CD96: variants seen among roughly 807,000 people sequenced by gnomAD.
CD96 encodes CD96 molecule.
CD96 carries 70 observed loss-of-function variants against 71.3 expected under a neutral mutation model. The ratio of observed to expected loss-of-function variants is 0.98; its 90% CI spans 0.81 to 1.20. CD96 has a LOEUF of 1.20. Ranked by LOEUF, CD96 falls within the 50% of genes most tolerant of loss-of-function variation. The pLI is 0.00. For synonymous variants in CD96, 248 were observed against 233.0 expected (o/e 1.06, Z -0.59); for missense variants, 742 against 677.5 (o/e 1.10, Z -1.06).
chr3:111,623,747 A>G lies in CD96; in HGVS notation c.1181-7A>G. Reference sequence around the variant, plus strand: ...ATAATAATTTGGGAATTTTATTTTCAAAATAGGATATCCAGCTACATCTTC... The same window carrying G: ...ATAATAATTTGGGAATTTTATTTTCGAAATAGGATATCCAGCTACATCTTC... On this transcript the variant is annotated splice_polypyrimidine_tract_variant and splice_region_variant and intron_variant, in intron 8 of 13. Transcript: ENST00000352690. 1.3e-6 allele frequency: 2 copies of G among 1,592,834 alleles called. No homozygotes were observed. The highest frequency in any genetic ancestry group is 8.6e-7 in the Non-Finnish European group (1 of 1,160,694).
At chr3:111,647,486 G>C in intron 12 of CD96, 57 bp from the exon 13 acceptor site, 3 of 1,557,212 alleles carry the variant, frequency 1.9e-6, no homozygotes, top group Non-Finnish European at 2.7e-6. Context: ...GTTTAATCCT[G>C]TTTTCCAAAT....
intron 5 of CD96, chr3:111,593,070 A>G (rs914499316): frequency 2.0e-5 from 3 of 152,944 alleles, no homozygotes; most frequent in South Asian, 4.1e-4. Context: ...AAACTCCACC[A>G]GTACATGTGC....
chr3:111,606,619 G>GAA, intron 7 of CD96, 81 bp from the exon 8 acceptor site: 1 of 784,440 alleles, frequency 1.3e-6, no homozygotes, highest in South Asian at 1.4e-5. Flanking sequence ...ATAAAGGAAA[G>GAA]TGTATTTAAG....
rs535704136 is a variant in CD96, at chr3:111,661,929, GC to G, written c.*53-3597del. Among the ~76,000 whole-genome samples the G allele has an allele frequency of 2.1e-3, 324 of 152,352 alleles. 6 individuals carry two copies. Among genetic ancestry groups the G allele is most frequent in the East Asian group, 9.6e-4 (5 of 5,188 alleles). ...TGGGGACTATGTATGGGGGTTCCAAGCTCACATTTCCCCTTTGCCTTACCCT... is the reference window on the plus strand; with the variant it reads ...TGGGGACTATGTATGGGGGTTCCAAGTCACATTTCCCCTTTGCCTTACCCT... On this transcript the variant is annotated intron_variant and NMD_transcript_variant, in intron 14 of 14. Transcript: ENST00000494798.
intron 6 of CD96, 70 bp downstream of exon 6, chr3:111,598,280 C>A: frequency 1.3e-6 from 1 of 781,068 alleles, no homozygotes; most frequent in South Asian, 1.4e-5. Flanking sequence ...TAGAAATTGT[C>A]ATTGCCCAAG....
intron 12 of CD96, 140 bp downstream of exon 12, chr3:111,638,308 AT>A: frequency 1.4e-6 from 1 of 715,032 alleles, no homozygotes; most frequent in Non-Finnish European, 2.6e-6. Context: ...ATTATAATCT[AT>A]TAGTGATCGA....
chr3:111,586,924 A>G (rs1458637474), intron 5 of CD96, among the ~76,000 whole-genome samples: 1 of 152,106 alleles, frequency 6.6e-6, no homozygotes, highest in Non-Finnish European at 1.5e-5. Context: ...AGTCCCCCAA[A>G]GTCTTAACTC....
At chr3:111,572,969 T>G (rs576280082) in intron 3 of CD96, among the ~76,000 whole-genome samples, 1 of 152,210 alleles carries the variant, frequency 6.6e-6, no homozygotes, top group African/African-American at 2.4e-5. Flanking sequence ...CAGGTGCAAA[T>G]GGACAGTGTA....
intron 1 of CD96, among the ~76,000 whole-genome samples, chr3:111,543,634 T>G (rs1364377885): frequency 6.6e-6 from 1 of 152,194 alleles, no homozygotes; most frequent in Non-Finnish European, 1.5e-5. Flanking sequence ...TAAGTATAGG[T>G]TACTTAGAAG....
At chr3:111,545,762 G>C (rs982078835) in intron 2 of CD96, among the ~76,000 whole-genome samples, 7 of 152,144 alleles carry the variant, frequency 4.6e-5, no homozygotes, top group African/African-American at 1.7e-4. Context: ...AGTAATCCCA[G>C]AGAGAGAAAA....
At chr3:111,627,999 C>T (rs1938860641) in intron 10 of CD96, among the ~76,000 whole-genome samples, 1 of 151,876 alleles carries the variant, frequency 6.6e-6, no homozygotes, top group Admixed American at 6.6e-5. Context: ...CAAAGGTCAG[C>T]AAACTCAAAG....
rs757053235 is a variant in CD96, at chr3:111,650,040, G to A, written c.*234G>A. 4.0e-5 allele frequency: 21 copies of A among 524,718 alleles called. No individual in the cohort carries two copies. The highest frequency in any genetic ancestry group is 7.3e-5 in the Non-Finnish European group (21 of 288,152). 32.5% of individuals were successfully genotyped at this position (524,718 alleles called of 1,614,324 possible). A position where few individuals can be genotyped will look rare whatever the true frequency, so the allele number is the denominator to read the frequency against. On this transcript the variant is annotated 3_prime_UTR_variant, in exon 14 of 14. Transcript: ENST00000352690. ...TTCACACTCAATGCAATTCGTAGTG[G>A]TTTTCTTGCTTATGTAAGAAGTACA...
intron 7 of CD96, among the ~76,000 whole-genome samples, chr3:111,604,105 A>G (rs1375705252): frequency 6.6e-6 from 1 of 152,334 alleles, no homozygotes; most frequent in East Asian, 1.9e-4. Context: ...AGGACCTAGC[A>G]AGCCCTGGGA....
chr3:111,559,087 T>C lies in CD96; in HGVS notation c.419-8436T>C, dbSNP rs1935241307. ...ATCATTTTTTATTGTGTCTATTTGA[T>C]TCTTCTCTCTTTTTTTCTTTATTAG... On this transcript the variant is annotated intron_variant, in intron 2 of 13. Coordinates refer to ENST00000352690, the MANE Select transcript of CD96 (RefSeq NM_005816.5). 2.0e-5 allele frequency among the ~76,000 whole-genome samples: 3 copies of C among 151,778 alleles called. No homozygotes were observed. In the South Asian group the frequency reaches 6.3e-4, roughly 32 times the overall value.
At chr3:111,572,384 A>G (rs971614407) in intron 3 of CD96, among the ~76,000 whole-genome samples, 40 of 152,218 alleles carry the variant, frequency 2.6e-4, no homozygotes, top group African/African-American at 7.0e-4. Flanking sequence ...GGTAAAGTCA[A>G]AAACAAACTG....
At chr3:111,660,186 A>T (rs1289666756) in intron 14 of CD96, among the ~76,000 whole-genome samples, 1 of 152,232 alleles carries the variant, frequency 6.6e-6, no homozygotes, top group African/African-American at 2.4e-5. Context: ...TCACAGAATC[A>T]GTGTATAAAT....
At chr3:111,594,264 C>T in intron 5 of CD96, 2 of 1,499,840 alleles carry the variant, frequency 1.3e-6, no homozygotes, top group Non-Finnish European at 1.8e-6. Context: ...TTATTTGAAC[C>T]ACAAGATTAA....
chr3:111,647,210 T>G (rs1470143939), intron 12 of CD96, among the ~76,000 whole-genome samples: 1 of 151,430 alleles, frequency 6.6e-6, no homozygotes, highest in Non-Finnish European at 1.5e-5. Context: ...TTTGCACATG[T>G]ACCCCTGAAC....
chr3:111,583,733 T>C (rs996289889), intron 4 of CD96, among the ~76,000 whole-genome samples: 3 of 152,172 alleles, frequency 2.0e-5, no homozygotes, highest in African/African-American at 7.2e-5. Context: ...CTTTCAGCCA[T>C]AGCTGGAATG....
Sources: allele counts gnomAD v4.1 joint callset (sites outside exome capture counted in the v4.1 genomes callset), GRCh38; gene constraint gnomAD v4.1.1; transcripts MANE v1.5; gene names NCBI Gene and HGNC (gene_info 2026-07-23, HGNC 2026-07-21).